Variants in SCARB2 observed in about 807,000 individuals in gnomAD.
SCARB2 encodes lysosome membrane protein 2.
A neutral mutation model predicts 58.6 loss-of-function variants in SCARB2; 29 were observed. The ratio of observed to expected loss-of-function variants is 0.49; its 90% CI spans 0.37 to 0.67. SCARB2 has a LOEUF of 0.67. SCARB2 is among the 30% of genes least tolerant of loss of function. The pLI is 0.00. For synonymous variants in SCARB2, 195 were observed against 210.1 expected, an observed-to-expected ratio of 0.93 and a Z score of 0.62; for missense variants, 488 against 578.5, an observed-to-expected ratio of 0.84 and a Z score of 1.60.
chr4:76,184,455 T>C (rs1732445638), intron 2 of SCARB2, among the ~76,000 whole-genome samples: 1 of 152,216 alleles, frequency 6.6e-6, no homozygotes, highest in Non-Finnish European at 1.5e-5. Context: ...GACTTTTCAT[T>C]TGTTAGACAA....
intron 1 of SCARB2, among the ~76,000 whole-genome samples, chr4:76,204,507 C>T (rs1013454002): frequency 6.6e-6 from 1 of 152,074 alleles, no homozygotes; most frequent in African/African-American, 2.4e-5. Flanking sequence ...TACAAAATAC[C>T]CACTAACTTA....
At chr4:76,179,468 A>T in intron 4 of SCARB2, 49 bp downstream of exon 4, 1 of 1,372,466 alleles carries the variant, frequency 7.3e-7, no homozygotes, top group Non-Finnish European at 1.0e-6. Context: ...GGGTGCCCCA[A>T]CCCACTGTCA....
At chr4:76,221,271 TG>T (rs1733302287) in intron 1 of SCARB2, among the ~76,000 whole-genome samples, 1 of 152,188 alleles carries the variant, frequency 6.6e-6, no homozygotes, top group Non-Finnish European at 1.5e-5. Context: ...GGTCCTGGCC[TG>T]GGGAGTTTTT....
intron 7 of SCARB2, among the ~76,000 whole-genome samples, chr4:76,171,759 G>A (rs1367000529): frequency 1.3e-5 from 2 of 152,184 alleles, no homozygotes; most frequent in East Asian, 3.9e-4. Context: ...AGGCAATGGG[G>A]GAGATCACAA....
intron 1 of SCARB2, among the ~76,000 whole-genome samples, chr4:76,206,230 G>T (rs111577590): frequency 0.04 from 6,071 of 152,198 alleles, 175 homozygotes; most frequent in Non-Finnish European, 0.062. Context: ...CTCCAGAACT[G>T]TAAGAAATAA....
chr4:76,191,532 A>G (rs1732605604), intron 2 of SCARB2, among the ~76,000 whole-genome samples: 2 of 151,962 alleles, frequency 1.3e-5, no homozygotes, highest in Admixed American at 1.3e-4. Flanking sequence ...TGCTCTGGCC[A>G]TGTGACATGC....
chr4:76,213,850 T>G, upstream of SCARB2: 1 of 199,224 alleles, frequency 5.0e-6, no homozygotes. Flanking sequence ...GGACGTGACG[T>G]TCGCGGGCCG....
chr4:76,204,598 G>T (rs182057483), intron 1 of SCARB2, among the ~76,000 whole-genome samples: 1 of 152,120 alleles, frequency 6.6e-6, no homozygotes, highest in African/African-American at 2.4e-5. Flanking sequence ...AGCAGCTACC[G>T]ATAGAAACTT....
intron 7 of SCARB2, chr4:76,173,901 ATCTT>A (rs1732186501): frequency 3.9e-6 from 2 of 506,598 alleles, no homozygotes; most frequent in African/African-American, 1.9e-5. Flanking sequence ...AAAGAAACTG[ATCTT>A]TCTATTGGGC....
In SCARB2 at chr4:76,197,651, C is replaced by T. The variant is rs539637570; in HGVS notation, c.118-1787G>A. On this transcript the variant is annotated intron_variant, in intron 1 of 11. Transcript: ENST00000264896. ...CTAACACCTGGTATTCCCAACAGTC[C>T]TCTATCTGTTAATGGAGAAAAGCCT... Among the ~76,000 whole-genome samples, 61 of 152,280 alleles carry T rather than the reference C, an allele frequency of 4.0e-4. 1 individual carries two copies. In the South Asian group the frequency reaches 0.012, roughly 31 times the overall value.
At chr4:76,187,001 A>G (rs1732500590) in intron 2 of SCARB2, among the ~76,000 whole-genome samples, 1 of 151,776 alleles carries the variant, frequency 6.6e-6, no homozygotes, top group Non-Finnish European at 1.5e-5. Flanking sequence ...TTGTCTCTTT[A>G]TGTTAAAAAA....
At chr4:76,182,704 A>G (rs544620048) in intron 2 of SCARB2, among the ~76,000 whole-genome samples, 1 of 152,292 alleles carries the variant, frequency 6.6e-6, no homozygotes, top group East Asian at 1.9e-4. Context: ...CATCATTTAG[A>G]TTGTGAAATT....
At chr4:76,230,105 T>G (rs1278988209) in intron 1 of SCARB2, among the ~76,000 whole-genome samples, 2 of 152,132 alleles carry the variant, frequency 1.3e-5, no homozygotes, top group Non-Finnish European at 2.9e-5. Flanking sequence ...AAAGTTTATG[T>G]CTTTTGTGAT....
At chr4:76,230,530 C>G (rs1230298273) in intron 1 of SCARB2, among the ~76,000 whole-genome samples, 3 of 152,198 alleles carry the variant, frequency 2.0e-5, no homozygotes, top group Non-Finnish European at 4.4e-5. Flanking sequence ...CTTCTTTCTG[C>G]AGCAGTTCCT....
At chr4:76,230,849 A>G (rs1733480370) in intron 1 of SCARB2, among the ~76,000 whole-genome samples, 1 of 152,128 alleles carries the variant, frequency 6.6e-6, no homozygotes, top group African/African-American at 2.4e-5. Flanking sequence ...GACCTCATTT[A>G]TGCCATGGAC....
intron 2 of SCARB2, chr4:76,193,839 T>C (rs1732653681): frequency 6.6e-6 from 1 of 152,202 alleles, no homozygotes; most frequent in African/African-American, 2.4e-5. Context: ...TGGGGGACTA[T>C]TGAGAAGGGA....
upstream of SCARB2, chr4:76,214,223 C>A: frequency 2.2e-6 from 1 of 454,576 alleles, no homozygotes; most frequent in African/African-American, 2.0e-5. Flanking sequence ...ACACCGTTAC[C>A]GCAATTACAA....
At chr4:76,215,722 G>A (rs540313575), upstream of SCARB2, among the ~76,000 whole-genome samples, 4 of 152,130 alleles carry the variant, frequency 2.6e-5, no homozygotes, top group East Asian at 3.9e-4. Context: ...TCAGCTACCC[G>A]GAGACTGCTG....
At chr4:76,201,756 G>A (rs1462759757) in intron 1 of SCARB2, among the ~76,000 whole-genome samples, 1 of 152,192 alleles carries the variant, frequency 6.6e-6, no homozygotes, top group Non-Finnish European at 1.5e-5. Context: ...TAATTAATAT[G>A]CCAAAGGCAC....
Sources: allele counts gnomAD v4.1 joint callset (sites outside exome capture counted in the v4.1 genomes callset), GRCh38; gene constraint gnomAD v4.1.1; transcripts MANE v1.5; gene names NCBI Gene and HGNC (gene_info 2026-07-23, HGNC 2026-07-21).